Variants in NCK2 observed in about 807,000 individuals in gnomAD.
NCK2 encodes NCK adaptor protein 2, also known as cytoplasmic protein NCK2.
A neutral mutation model predicts 33.9 loss-of-function variants in NCK2; 16 were observed. That is an observed-to-expected ratio of 0.47 (90% CI 0.32 to 0.72). The LOEUF is 0.72. Ranked by LOEUF, NCK2 falls within the 30% of genes least tolerant of loss-of-function variation. The pLI, the probability that NCK2 is intolerant of heterozygous loss-of-function variation, is 0.03. For synonymous variants in NCK2, 273 were observed against 239.9 expected, an observed-to-expected ratio of 1.14 and a Z score of -1.27; for missense variants, 418 against 537.3, an observed-to-expected ratio of 0.78 and a Z score of 2.19.
At chr2:105,890,110 C>T (rs1383671067) in intron 4 of NCK2, among the ~76,000 whole-genome samples, 9 of 152,158 alleles carry the variant, frequency 5.9e-5, no homozygotes, top group Non-Finnish European at 2.9e-5. Flanking sequence ...TTTAGCACTC[C>T]TGCTTGGCAT....
At chr2:105,840,867 C>G (rs933855290) in intron 2 of NCK2, among the ~76,000 whole-genome samples, 2 of 152,174 alleles carry the variant, frequency 1.3e-5, no homozygotes, top group East Asian at 1.9e-4. Context: ...GCTGTTACCA[C>G]CATTATGCAT....
chr2:105,760,244 G>T lies in NCK2; in HGVS notation c.-201+15106G>T, dbSNP rs543123630. On this transcript the variant is annotated intron_variant, in intron 1 of 4. Coordinates refer to ENST00000233154, the MANE Select transcript of NCK2 (RefSeq NM_003581.5). ...GCACTGTGGCACAGACAGCCCCTTG[G>T]CACTGTTGCGGAGGAGGTGATAGGA... Among the ~76,000 whole-genome samples, 139 of 152,332 alleles carry T rather than the reference G, an allele frequency of 9.1e-4. 4 individuals are homozygous for T. The South Asian group carries it at 0.028, about 30-fold the overall frequency.
chr2:105,858,058 G>T (rs112986524), intron 3 of NCK2, among the ~76,000 whole-genome samples: 85 of 143,052 alleles, frequency 5.9e-4, no homozygotes, highest in East Asian at 4.4e-3. Flanking sequence ...TTTTTTTTTT[G>T]TTTTTTTTTT....
chr2:105,890,630 A>T (rs558532547), intron 4 of NCK2, among the ~76,000 whole-genome samples: 2 of 152,316 alleles, frequency 1.3e-5, no homozygotes, highest in African/African-American at 4.8e-5. Flanking sequence ...GGTCTATTTG[A>T]GACAGAGGCA....
At chr2:105,763,621 G>A (rs1689836755) in intron 1 of NCK2, among the ~76,000 whole-genome samples, 1 of 152,110 alleles carries the variant, frequency 6.6e-6, no homozygotes, top group Non-Finnish European at 1.5e-5. Context: ...TACTGTTACA[G>A]CAGTGGGGTT....
At chr2:105,865,451 CT>C (rs1677707530) in intron 3 of NCK2, among the ~76,000 whole-genome samples, 1 of 152,124 alleles carries the variant, frequency 6.6e-6, no homozygotes, top group South Asian at 2.1e-4. Context: ...ATTGGGGGTG[CT>C]GATTGGTGTG....
At chr2:105,880,338 T>G (rs1164507482) in intron 3 of NCK2, among the ~76,000 whole-genome samples, 1 of 152,218 alleles carries the variant, frequency 6.6e-6, no homozygotes, top group African/African-American at 2.4e-5. Context: ...AAATTTGCCT[T>G]CGATTGAAGG....
At chr2:105,840,910 T>C (rs1676619742) in intron 2 of NCK2, among the ~76,000 whole-genome samples, 1 of 151,200 alleles carries the variant, frequency 6.6e-6, no homozygotes, top group Non-Finnish European at 1.5e-5. Flanking sequence ...TAAAAGGCCG[T>C]GGGCATCTGA....
intron 1 of NCK2, among the ~76,000 whole-genome samples, chr2:105,754,983 G>A (rs1689559795): frequency 1.3e-5 from 2 of 150,360 alleles, no homozygotes; most frequent in Admixed American, 1.3e-4. Context: ...TCACTTTTTT[G>A]TGTGTGACTC....
chr2:105,843,869 TGGA>T (rs1408313237), intron 2 of NCK2, among the ~76,000 whole-genome samples: 5 of 152,216 alleles, frequency 3.3e-5, no homozygotes, highest in Admixed American at 2.6e-4. Context: ...GGGCTGTTCC[TGGA>T]GACTTCCTTC....
chr2:105,881,361 G>A lies in NCK2; in HGVS notation c.260G>A (p.Arg87Gln). ...LGKTRRKTSA[R>Q]DASPTPSTDA... is the part of the protein sequence containing the mutation. ...AAGACGCGCAGGAAGACCAGCGCGC[G>A]GGATGCGTCCCCCACGCCCAGCACG... The change falls in exon 4 of 5, where the codon CGG (arginine) becomes CAG (glutamine). Residue 87 changes from arginine to glutamine, a missense_variant. Arg to Gln is a conservative substitution (Grantham distance 43). Coordinates refer to ENST00000233154, the MANE Select transcript of NCK2 (RefSeq NM_003581.5). 1 of 1,606,928 alleles carries A rather than the reference G, an allele frequency of 6.2e-7. No individual in the cohort carries two copies. The highest frequency in any genetic ancestry group is 1.1e-5 in the South Asian group (1 of 90,928).
At chr2:105,779,094 G>A (rs1210009584) in intron 1 of NCK2, among the ~76,000 whole-genome samples, 1 of 152,060 alleles carries the variant, frequency 6.6e-6, no homozygotes, top group East Asian at 1.9e-4. Context: ...ATCACTTGAG[G>A]TCATGAGTTT....
intron 3 of NCK2, among the ~76,000 whole-genome samples, chr2:105,862,393 C>T (rs1425363773): frequency 1.6e-4 from 25 of 151,992 alleles, no homozygotes. Flanking sequence ...GTAATAGCAC[C>T]CCAGGCCAGC....
At chr2:105,782,432 A>G (rs1359255172) in intron 1 of NCK2, among the ~76,000 whole-genome samples, 2 of 152,204 alleles carry the variant, frequency 1.3e-5, no homozygotes, top group African/African-American at 4.8e-5. Context: ...TGAGGACTTG[A>G]GAAGAAACAG....
chr2:105,806,178 T>C (rs1213397511), intron 1 of NCK2, among the ~76,000 whole-genome samples: 2 of 152,048 alleles, frequency 1.3e-5, no homozygotes, highest in South Asian at 2.1e-4. Flanking sequence ...CTCAGCCTTG[T>C]ATATGTATGT....
At chr2:105,892,004 G>A (rs527611821) in intron 4 of NCK2, among the ~76,000 whole-genome samples, 18 of 152,110 alleles carry the variant, frequency 1.2e-4, no homozygotes, top group African/African-American at 3.4e-4. Context: ...AAATGCGACC[G>A]GAATTTTCCA....
chr2:105,783,058 C>A (rs367655106), intron 1 of NCK2, among the ~76,000 whole-genome samples: 1 of 152,128 alleles, frequency 6.6e-6, no homozygotes, highest in Admixed American at 6.5e-5. Context: ...GGGATATAAC[C>A]GTGGAACAAG....
intron 1 of NCK2, among the ~76,000 whole-genome samples, chr2:105,785,628 T>C (rs928675781): frequency 6.6e-6 from 1 of 152,218 alleles, no homozygotes. Flanking sequence ...AGCCACAGGA[T>C]TGGCTCTGAG....
chr2:105,755,793 A>T (rs1689584898), intron 1 of NCK2, among the ~76,000 whole-genome samples: 1 of 151,426 alleles, frequency 6.6e-6, no homozygotes, highest in Admixed American at 6.6e-5. Flanking sequence ...TACGTTGGTG[A>T]TTGTCTACAG....
Sources: gnomAD v4.1 joint callset for allele counts (sites outside exome capture counted in the v4.1 genomes callset) on GRCh38, gnomAD v4.1.1 for gene constraint, MANE v1.5 for transcripts, NCBI Gene and HGNC (gene_info 2026-07-23, HGNC 2026-07-21) for gene names.